Variants in HOXC4 observed in about 807,000 individuals in gnomAD.
The protein encoded by HOXC4 is homeobox protein Hox-C4.
In HOXC4, 15 loss-of-function variants were observed where a neutral mutation model predicts 25.5. The ratio of observed to expected loss-of-function variants is 0.59; its 90% CI spans 0.39 to 0.91. HOXC4 has a LOEUF of 0.91. Among genes scored for constraint, HOXC4 ranks in the 40% least tolerant of loss-of-function variants. HOXC4 has a pLI of 0.00. For missense variants in HOXC4, 342 were observed against 352.4 expected, an observed-to-expected ratio of 0.97 and a Z score of 0.24; for synonymous variants, 165 against 148.0, an observed-to-expected ratio of 1.11 and a Z score of -0.83.
intron 1 of HOXC4, among the ~76,000 whole-genome samples, chr12:54,032,653 GC>G (rs1309413590): frequency 1.3e-5 from 2 of 152,182 alleles, no homozygotes; most frequent in Non-Finnish European, 2.9e-5. Flanking sequence ...CTCAGGGGTT[GC>G]CCCAACAACC....
At chr12:54,046,536 AAT>A (rs147088501) in intron 1 of HOXC4, among the ~76,000 whole-genome samples, 28 of 149,450 alleles carry the variant, frequency 1.9e-4, no homozygotes, top group Non-Finnish European at 2.1e-4. Context: ...CCTTGAGGGA[AAT>A]ATATATATAT....
chr12:54,039,873 A>G (rs1248790846), intron 1 of HOXC4, among the ~76,000 whole-genome samples: 1 of 151,982 alleles, frequency 6.6e-6, no homozygotes, highest in African/African-American at 2.4e-5. Context: ...TCTCAGTCCC[A>G]TTCCCTTCCT....
At chr12:54,018,396 A>G (rs769469991) in intron 1 of HOXC4, among the ~76,000 whole-genome samples, 1 of 152,160 alleles carries the variant, frequency 6.6e-6, no homozygotes, top group African/African-American at 2.4e-5. Context: ...GGACAGGCCC[A>G]GTCCTCCTGG....
At position 54,017,995 on chromosome 12, in the gene HOXC4, A is replaced by C. The variant is rs563734008; in HGVS notation, c.-124+581A>C. ...GGGCCGCCGAGCAGGAAGCCGGCGC[A>C]GCTAGGCGGCCGGCGGGGCCTGTTA... is the stretch of plus-strand genomic sequence containing the variant. On this transcript the variant is annotated intron_variant, in intron 1 of 3. Coordinates refer to the HOXC4 transcript ENST00000303406. Among the ~76,000 whole-genome samples the C allele has an allele frequency of 3.3e-3, 508 of 152,250 alleles. 3 individuals are homozygous for C. Among genetic ancestry groups the C allele is most frequent in the African/African-American group, 0.012 (487 of 41,540 alleles).
chr12:54,054,983 C>G lies in HOXC4; in HGVS notation c.573C>G (p.His191Gln). ...GAAGGAGAAGGATCGAGATCGCCCACTCGCTGTGCCTCTCTGAGAGGCAGA... is the reference window on the plus strand; with the variant it reads ...GAAGGAGAAGGATCGAGATCGCCCAGTCGCTGTGCCTCTCTGAGAGGCAGA... ...LTRRRRIEIAHSLCLSERQIK... is the reference protein window; with the variant it reads ...LTRRRRIEIAQSLCLSERQIK... Residue 191 changes from histidine (H) to glutamine (Q), a missense_variant, in exon 2 of 2, where the codon CAC becomes CAG. By Grantham distance (24) the His-to-Gln change is conservative. Coordinates refer to ENST00000430889, the MANE Select transcript of HOXC4 (RefSeq NM_153633.3). The G allele has an allele frequency of 6.2e-7, 1 of 1,614,134 alleles. No homozygotes were observed. The highest frequency in any genetic ancestry group is 8.5e-7 in the Non-Finnish European group (1 of 1,180,036).
At chr12:54,018,715 A>C (rs1940282651) in intron 1 of HOXC4, among the ~76,000 whole-genome samples, 1 of 151,782 alleles carries the variant, frequency 6.6e-6, no homozygotes, top group Non-Finnish European at 1.5e-5. Flanking sequence ...ATAAACGGCG[A>C]CGCACACGCA....
intron 1 of HOXC4, chr12:54,033,259 G>A: frequency 6.2e-7 from 1 of 1,614,154 alleles, no homozygotes; most frequent in Non-Finnish European, 8.5e-7. Flanking sequence ...TTGGACTTAA[G>A]CATCACTTTC....
At position 54,053,913 on chromosome 12, in the gene HOXC4, C is replaced by T. The variant is rs760955351; in HGVS notation, c.-10C>T. 3 of 1,592,534 alleles carry T rather than the reference C, an allele frequency of 1.9e-6. No individual in the cohort carries two copies. Among genetic ancestry groups the T allele is most frequent in the Non-Finnish European group, 2.6e-6 (3 of 1,162,532 alleles). ...AAAGCGAGAAAAATTATTTTCCACT[C>T]CAGAAATTAATGATCATGAGCTCGT... On this transcript the variant is annotated 5_prime_UTR_variant, in exon 1 of 2. Transcript: ENST00000430889.
chr12:54,052,524 C>G (rs1243292253), upstream of HOXC4, among the ~76,000 whole-genome samples: 1 of 150,768 alleles, frequency 6.6e-6, no homozygotes, highest in Non-Finnish European at 1.5e-5. Flanking sequence ...GAGTTATGGG[C>G]GATCAGTTAA....
chr12:54,029,508 G>C (rs1452305107), intron 1 of HOXC4: 1 of 756,886 alleles, frequency 1.3e-6, no homozygotes, highest in South Asian at 2.0e-5. Context: ...AGTGGGGGTG[G>C]GGCAAGGCAA....
At position 54,044,635 on chromosome 12, in the gene HOXC4, C is replaced by T. The variant is rs190285297; in HGVS notation, c.-123-8525C>T. ...GCAGCGGGGCATAGGGGAACCCCAT[C>T]GTGTACCGCATGAATGGAGGAAACT... On this transcript the variant is annotated intron_variant, in intron 1 of 3. Coordinates refer to the HOXC4 transcript ENST00000303406. 7.2e-5 allele frequency among the ~76,000 whole-genome samples: 11 copies of T among 152,138 alleles called. No homozygotes were observed. The East Asian group carries it at 9.6e-4, about 13-fold the overall frequency.
chr12:54,033,215 A>G (rs1293727492), intron 1 of HOXC4: 1 of 1,614,198 alleles, frequency 6.2e-7, no homozygotes, highest in East Asian at 2.2e-5. Context: ...GATCGGCCTC[A>G]GAGGTGCAGG....
chr12:54,018,814 C>T (rs1317267793), intron 1 of HOXC4, among the ~76,000 whole-genome samples: 1 of 152,112 alleles, frequency 6.6e-6, no homozygotes, highest in African/African-American at 2.4e-5. Context: ...CCAGACTTAC[C>T]TTAATCTAAG....
upstream of HOXC4, among the ~76,000 whole-genome samples, chr12:54,052,567 G>C (rs1399701333): frequency 1.0e-4 from 11 of 107,574 alleles, no homozygotes; most frequent in African/African-American, 4.3e-4. Context: ...ACCACCCCTA[G>C]CTGGGGGGGG....
chr12:54,051,522 C>G (rs1172781092), upstream of HOXC4, among the ~76,000 whole-genome samples: 2 of 152,254 alleles, frequency 1.3e-5, no homozygotes, highest in Non-Finnish European at 2.9e-5. Flanking sequence ...CCAAACCAGC[C>G]TGTCCTCACA....
rs1937966968 is a variant in HOXC4 at position 54,055,752 on chromosome 12, G to A, written c.*547G>A. 6.6e-6 allele frequency: 1 copy of A among 152,284 alleles called. No homozygotes were observed. Among genetic ancestry groups the A allele is most frequent in the Non-Finnish European group, 1.5e-5 (1 of 68,016 alleles). 9.4% of individuals were successfully genotyped at this position (152,284 alleles called of 1,614,324 possible). On this transcript the variant is annotated 3_prime_UTR_variant, in exon 2 of 2. Coordinates refer to ENST00000430889, the MANE Select transcript of HOXC4 (RefSeq NM_153633.3). Reference sequence around the variant, plus strand: ...AAGTTCTTTTGTATTATTGTTGGGGGGGGGTGTGGGAGGAGAGGGGGCGAA... The same window carrying A: ...AAGTTCTTTTGTATTATTGTTGGGGAGGGGTGTGGGAGGAGAGGGGGCGAA...
upstream of HOXC4, among the ~76,000 whole-genome samples, chr12:54,052,711 A>C (rs60869796): frequency 0.12 from 17,905 of 152,134 alleles, 2,255 homozygotes; most frequent in African/African-American, 0.31. Context: ...TGGAGACCCC[A>C]AAGGCTGGCC....
intron 1 of HOXC4, among the ~76,000 whole-genome samples, chr12:54,024,688 AGCTCACAT>A (rs1243060098): frequency 3.3e-5 from 5 of 151,582 alleles, no homozygotes; most frequent in African/African-American, 1.2e-4. Context: ...CCCAGTTCAG[AGCTCACAT>A]GCCCCCAGCC....
At chr12:54,051,337 T>G (rs1271220827), upstream of HOXC4, among the ~76,000 whole-genome samples, 3 of 151,772 alleles carry the variant, frequency 2.0e-5, no homozygotes, top group East Asian at 5.8e-4. Context: ...GGGACTACAG[T>G]TCAGACTTAG....
Sources: gnomAD v4.1 joint callset for allele counts (sites outside exome capture counted in the v4.1 genomes callset) on GRCh38, gnomAD v4.1.1 for gene constraint, MANE v1.5 for transcripts, NCBI Gene and HGNC (gene_info 2026-07-23, HGNC 2026-07-21) for gene names.